The following PDXDC1 variants were observed in gnomAD, a reference collection of about 807,000 sequenced individuals.
The protein encoded by PDXDC1 is pyridoxal dependent decarboxylase domain containing 1, also known as pyridoxal-dependent decarboxylase domain-containing protein 1.
PDXDC1 carries 42 observed loss-of-function variants against 100.1 expected under a neutral mutation model. That is an observed-to-expected ratio of 0.42 (90% confidence interval 0.33 to 0.54). PDXDC1 has a LOEUF of 0.54. Ranked by LOEUF, PDXDC1 falls within the 20% of genes least tolerant of loss-of-function variation. The pLI is 0.10. For missense variants in PDXDC1, 636 were observed against 979.2 expected (o/e 0.65, Z 4.68); for synonymous variants, 260 against 371.7 (o/e 0.70, Z 3.46).
At chr16:15,097,213 A>G (rs2046387617) in intron 16 of PDXDC1, among the ~76,000 whole-genome samples, 1 of 151,834 alleles carries the variant, frequency 6.6e-6, no homozygotes, top group African/African-American at 2.4e-5. Flanking sequence ...AGCTGCAGTG[A>G]GCTATGACTA....
At chr16:15,146,790 G>A in the PDXDC1 span, among the ~76,000 whole-genome samples, 105 of 152,134 alleles carry the variant, frequency 6.9e-4, 1 homozygote, top group Non-Finnish European at 1.3e-3. Context: ...CGGAACCCCT[G>A]AGGGAACCGA....
intron 17 of PDXDC1, 104 bp downstream of exon 17, chr16:15,032,010 C>G (rs1567718909): frequency 9.8e-7 from 1 of 1,016,716 alleles, no homozygotes; most frequent in African/African-American, 1.6e-5. Context: ...AACGTGTAGT[C>G]ACAATATGCT....
chr16:15,076,467 C>T, intron 16 of PDXDC1: 3 of 903,236 alleles, frequency 3.3e-6, no homozygotes, highest in Non-Finnish European at 5.6e-6. Context: ...TTAATTCTTT[C>T]AATCTAAAGC....
At chr16:14,977,976 C>T (rs1320176831) in intron 1 of PDXDC1, among the ~76,000 whole-genome samples, 5 of 152,246 alleles carry the variant, frequency 3.3e-5, no homozygotes, top group Non-Finnish European at 5.9e-5. Context: ...ATGTAGTATG[C>T]GATCATCATT....
At chr16:15,128,855 G>A (rs557009615) in intron 16 of PDXDC1, among the ~76,000 whole-genome samples, 2 of 150,126 alleles carry the variant, frequency 1.3e-5, no homozygotes, top group East Asian at 2.0e-4. Flanking sequence ...ACCCAGGCTG[G>A]AGTGCAGTGG....
intron 16 of PDXDC1, chr16:15,047,459 G>C: frequency 6.2e-7 from 1 of 1,608,254 alleles, no homozygotes; most frequent in Non-Finnish European, 8.5e-7. Flanking sequence ...ATTGAGCGTG[G>C]TCAGAAAAGG....
At chr16:15,050,265 T>A (rs1422279697) in intron 16 of PDXDC1, among the ~76,000 whole-genome samples, 1 of 152,222 alleles carries the variant, frequency 6.6e-6, no homozygotes, top group Admixed American at 6.5e-5. Flanking sequence ...CAATGTATCA[T>A]AATTTCCTTC....
intron 16 of PDXDC1, among the ~76,000 whole-genome samples, chr16:15,073,315 C>T (rs1293588226): frequency 6.6e-6 from 1 of 152,134 alleles, no homozygotes; most frequent in East Asian, 1.9e-4. Context: ...AAAAATTAGC[C>T]AGGCATGGTG....
intron 16 of PDXDC1, among the ~76,000 whole-genome samples, chr16:15,053,181 C>T (rs2044363025): frequency 1.3e-5 from 2 of 152,216 alleles, no homozygotes; most frequent in Admixed American, 1.3e-4. Context: ...TACTGAATAG[C>T]GCAGCTCCAG....
intron 16 of PDXDC1, among the ~76,000 whole-genome samples, chr16:15,083,990 A>G (rs1453771282): frequency 6.6e-6 from 1 of 152,226 alleles, no homozygotes; most frequent in East Asian, 1.9e-4. Context: ...TGCTGGGATT[A>G]CAGGCGTGAG....
downstream of PDXDC1, among the ~76,000 whole-genome samples, chr16:15,142,652 C>T (rs911459607): frequency 9.2e-5 from 14 of 152,276 alleles, no homozygotes; most frequent in African/African-American, 3.4e-4. Flanking sequence ...ACCCCGCTTG[C>T]TCCCGTACTT....
chr16:15,059,532 G>A (rs2966128), intron 16 of PDXDC1, among the ~76,000 whole-genome samples: 2 of 151,918 alleles, frequency 1.3e-5, no homozygotes, highest in Non-Finnish European at 2.9e-5. Flanking sequence ...CTTGCTCAAC[G>A]TCAAACAGCT....
chr16:15,141,402 G>A (rs1212472443), downstream of PDXDC1, among the ~76,000 whole-genome samples: 3 of 152,234 alleles, frequency 2.0e-5, no homozygotes, highest in East Asian at 1.9e-4. Context: ...GCCCTCACCT[G>A]GGCTGGGCGC....
chr16:15,147,232 G>A, the PDXDC1 span, among the ~76,000 whole-genome samples: 1 of 152,068 alleles, frequency 6.6e-6, no homozygotes, highest in Admixed American at 6.5e-5. Context: ...AGCCCCTCGG[G>A]GAGTGCAAGC....
intron 17 of PDXDC1, chr16:15,032,239 AC>A: frequency 3.6e-6 from 1 of 279,140 alleles, no homozygotes; most frequent in East Asian, 6.5e-5. Flanking sequence ...AAGAAAAAGA[AC>A]CCAGCTCTCG....
At chr16:14,976,470 G>A (rs1233517260) in intron 1 of PDXDC1, among the ~76,000 whole-genome samples, 1 of 152,402 alleles carries the variant, frequency 6.6e-6, no homozygotes, top group South Asian at 2.1e-4. Flanking sequence ...AAATTGGGTG[G>A]AAGACAAGAA....
chr16:15,055,531 C>A (rs2151739279), intron 16 of PDXDC1, among the ~76,000 whole-genome samples: 1 of 152,364 alleles, frequency 6.6e-6, no homozygotes, highest in Non-Finnish European at 1.5e-5. Flanking sequence ...TCCCCGAAGG[C>A]GGGCGGCCGG....
At chr16:14,980,469 G>C (rs546725201) in intron 1 of PDXDC1, among the ~76,000 whole-genome samples, 433 of 152,328 alleles carry the variant, frequency 2.8e-3, no homozygotes, top group African/African-American at 8.3e-3. Context: ...TGCCACGCCC[G>C]GCTAATTTTT....
At chr16:15,040,113 G>A (rs767395752), downstream of PDXDC1, 49 of 1,061,074 alleles carry the variant, frequency 4.6e-5, no homozygotes, top group South Asian at 2.3e-4. Flanking sequence ...AGACCAAAGC[G>A]GAAAGTCTGC....
Sources: gnomAD v4.1 joint callset for allele counts (sites outside exome capture counted in the v4.1 genomes callset) on GRCh38, gnomAD v4.1.1 for gene constraint, MANE v1.5 for transcripts, NCBI Gene and HGNC (gene_info 2026-07-23, HGNC 2026-07-21) for gene names.